OCA2: variants seen among roughly 807,000 people sequenced by gnomAD.
OCA2 encodes P protein.
OCA2 carries 77 observed loss-of-function variants against 100.2 expected under a neutral mutation model. The observed-to-expected ratio is 0.77, with a 90% CI of 0.64 to 0.93. The LOEUF is 0.93. Among genes scored for constraint, OCA2 ranks in the 40% least tolerant of loss-of-function variants. The pLI is 0.00. For synonymous variants in OCA2, 432 were observed against 439.2 expected, an observed-to-expected ratio of 0.98 and a Z score of 0.21; for missense variants, 1,062 against 1,089.1, an observed-to-expected ratio of 0.98 and a Z score of 0.35.
chr15:27,721,245 G>A, the OCA2 span, among the ~76,000 whole-genome samples: 1 of 152,144 alleles, frequency 6.6e-6, no homozygotes. Flanking sequence ...GCTCAGGCCT[G>A]TAATCCCAGC....
At position 27,929,904 on chromosome 15, in the gene OCA2, C is replaced by A. The variant is rs144371637; in HGVS notation, c.1952-3650G>T. ...TGAAAAGATGGTCAAATATCACTAG[C>A]CATTAGGGAAACGTGGAGTAAAACC... is the stretch of plus-strand genomic sequence containing the variant. On this transcript the variant is annotated intron_variant, in intron 18 of 23. Coordinates refer to ENST00000354638, the MANE Select transcript of OCA2 (RefSeq NM_000275.3). 4.7e-3 allele frequency among the ~76,000 whole-genome samples: 719 copies of A among 151,924 alleles called. 7 individuals carry two copies. Among genetic ancestry groups the A allele is most frequent in the African/African-American group, 0.016 (681 of 41,436 alleles).
At chr15:27,827,087 C>T (rs1236032272) in intron 23 of OCA2, among the ~76,000 whole-genome samples, 2 of 152,212 alleles carry the variant, frequency 1.3e-5, no homozygotes, top group East Asian at 1.9e-4. Context: ...CTCTCACAAA[C>T]GTTCGCCTTA....
intron 14 of OCA2, 114 bp from the exon 15 acceptor site, chr15:27,966,936 T>C: frequency 8.5e-7 from 1 of 1,174,548 alleles, no homozygotes; most frequent in South Asian, 1.3e-5. Context: ...GAGACCATCC[T>C]GGCTAACACA....
intron 14 of OCA2, among the ~76,000 whole-genome samples, chr15:27,978,689 C>CGT (rs2041047718): frequency 6.7e-6 from 1 of 149,144 alleles, no homozygotes. Context: ...GAGAGAGAGA[C>CGT]ATTTTTTTTT....
chr15:27,900,213 T>C (rs1342556782), intron 19 of OCA2, among the ~76,000 whole-genome samples: 2 of 152,134 alleles, frequency 1.3e-5, no homozygotes, highest in African/African-American at 4.8e-5. Flanking sequence ...CTCATTATAA[T>C]AGCAAAAAAC....
chr15:27,878,178 T>C (rs1483203428), intron 19 of OCA2, among the ~76,000 whole-genome samples: 1 of 151,972 alleles, frequency 6.6e-6, no homozygotes, highest in Non-Finnish European at 1.5e-5. Context: ...ACATATTACA[T>C]CTATATACAT....
chr15:27,885,111 T>C (rs891415678), intron 19 of OCA2, among the ~76,000 whole-genome samples: 1 of 152,220 alleles, frequency 6.6e-6, no homozygotes, highest in African/African-American at 2.4e-5. Context: ...ATAAGCCCTA[T>C]AGTTTATGAG....
At chr15:27,763,099 A>G (rs1478707399) in intron 23 of OCA2, among the ~76,000 whole-genome samples, 2 of 152,200 alleles carry the variant, frequency 1.3e-5, no homozygotes, top group Non-Finnish European at 2.9e-5. Flanking sequence ...TTCAACCTCA[A>G]CCTCACACTT....
intron 23 of OCA2, among the ~76,000 whole-genome samples, chr15:27,819,928 C>G (rs114148035): frequency 6.6e-6 from 1 of 151,984 alleles, no homozygotes; most frequent in African/African-American, 2.4e-5. Flanking sequence ...ATAAGATGAG[C>G]GTGGAACATA....
chr15:27,776,974 T>TGGGGGGGGGCGGGGGGGG (rs368182175), intron 23 of OCA2, among the ~76,000 whole-genome samples: 1 of 43,170 alleles, frequency 2.3e-5, no homozygotes, highest in Admixed American at 2.4e-4. Flanking sequence ...GAGCGTGAGG[T>TGGGGGGGGGCGGGGGGGG]GGGGGGGGGT....
At chr15:27,951,303 C>T (rs554682484) in intron 18 of OCA2, among the ~76,000 whole-genome samples, 7 of 152,260 alleles carry the variant, frequency 4.6e-5, no homozygotes, top group South Asian at 4.1e-4. Flanking sequence ...CAGTTTCATG[C>T]GCCAGATGCA....
chr15:27,970,629 A>G (rs2040746794), intron 14 of OCA2, among the ~76,000 whole-genome samples: 1 of 152,104 alleles, frequency 6.6e-6, no homozygotes, highest in Non-Finnish European at 1.5e-5. Flanking sequence ...AGAACGCCCC[A>G]GCACACACGG....
intron 19 of OCA2, among the ~76,000 whole-genome samples, chr15:27,885,020 C>T (rs1210746374): frequency 6.6e-6 from 1 of 152,144 alleles, no homozygotes; most frequent in Non-Finnish European, 1.5e-5. Context: ...AACTTTCTTT[C>T]ACTCTTTTAC....
chr15:28,028,188 T>C, intron 3 of OCA2, 129 bp from the exon 4 acceptor site: 2 of 1,037,654 alleles, frequency 1.9e-6, no homozygotes, highest in East Asian at 2.5e-5. Context: ...CCACAGACAG[T>C]GGTGCACTCT....
At chr15:27,780,605 C>T (rs1330973512) in intron 23 of OCA2, among the ~76,000 whole-genome samples, 1 of 152,182 alleles carries the variant, frequency 6.6e-6, no homozygotes, top group Non-Finnish European at 1.5e-5. Flanking sequence ...TAAAGAGCAA[C>T]TCAGGTTACT....
the OCA2 span, among the ~76,000 whole-genome samples, chr15:27,732,665 T>A: frequency 6.6e-6 from 1 of 152,172 alleles, no homozygotes; most frequent in East Asian, 1.9e-4. Context: ...CTTGTGACAC[T>A]GGTTCCCAGC....
At chr15:28,041,196 G>T (rs2043190859) in intron 2 of OCA2, among the ~76,000 whole-genome samples, 1 of 151,896 alleles carries the variant, frequency 6.6e-6, no homozygotes, top group African/African-American at 2.4e-5. Context: ...CTGGTATACT[G>T]AGATGGCTTA....
intron 19 of OCA2, among the ~76,000 whole-genome samples, chr15:27,889,279 A>G (rs2037358156): frequency 1.3e-5 from 2 of 152,274 alleles, no homozygotes; most frequent in Admixed American, 1.3e-4. Context: ...AGATCCCTCA[A>G]CTCATGCTCT....
At chr15:27,991,140 A>T (rs2041543222) in intron 9 of OCA2, among the ~76,000 whole-genome samples, 1 of 152,252 alleles carries the variant, frequency 6.6e-6, no homozygotes, top group Non-Finnish European at 1.5e-5. Context: ...CTAAGACAAA[A>T]TATGAGAAAA....
Sources: gnomAD v4.1 joint callset for allele counts (sites outside exome capture counted in the v4.1 genomes callset) on GRCh38, gnomAD v4.1.1 for gene constraint, MANE v1.5 for transcripts, NCBI Gene and HGNC (gene_info 2026-07-23, HGNC 2026-07-21) for gene names.